The following SUGT1 variants were observed in gnomAD, a reference collection of about 807,000 sequenced individuals.
The protein encoded by SUGT1 is protein SGT1 homolog.
SUGT1 carries 15 observed loss-of-function variants against 56.1 expected under a neutral mutation model. The observed-to-expected ratio is 0.27, with a 90% CI of 0.18 to 0.41. The LOEUF (loss-of-function observed/expected upper bound fraction) is 0.41, where lower values mean the gene tolerates loss of function less well. Ranked by LOEUF, SUGT1 falls within the 10% of genes least tolerant of loss-of-function variation. SUGT1 has a pLI of 1.00. For synonymous variants in SUGT1, 123 were observed against 128.6 expected (o/e 0.96, Z 0.30); for missense variants, 347 against 382.2 (o/e 0.91, Z 0.77).
In SUGT1 at chr13:52,679,955, G is replaced by C. The variant is rs747088407; in HGVS notation, c.719-19G>C. ...TGAAACATGTTGATTAATTACTTCTGCCTTTTTTTACTTCATAGATGTAAA... is the reference window on the plus strand; with the variant it reads ...TGAAACATGTTGATTAATTACTTCTCCCTTTTTTTACTTCATAGATGTAAA... On this transcript the variant is annotated intron_variant, in intron 11 of 12. Transcript: ENST00000310528. 2 of 1,568,044 alleles carry C rather than the reference G, an allele frequency of 1.3e-6. No individual in the cohort carries two copies. The highest frequency in any genetic ancestry group is 4.4e-5 in the Admixed American group (2 of 45,900).
At chr13:52,667,504 C>T (rs1204500368) in intron 10 of SUGT1, among the ~76,000 whole-genome samples, 3 of 152,050 alleles carry the variant, frequency 2.0e-5, no homozygotes, top group Non-Finnish European at 4.4e-5. Context: ...ACCACCACGC[C>T]CTGCTTAATT....
At chr13:52,654,760 T>C (rs1962078587) in intron 2 of SUGT1, among the ~76,000 whole-genome samples, 3 of 152,220 alleles carry the variant, frequency 2.0e-5, no homozygotes, top group Non-Finnish European at 4.4e-5. Flanking sequence ...TTGTGTGAAG[T>C]AGTAGTTCTT....
Position 52,659,248 on chromosome 13 carries a change from TAGTA to T in SUGT1, c.328+4_328+7del, listed in dbSNP as rs745641454. 3 of 1,459,276 alleles carry T rather than the reference TAGTA, an allele frequency of 2.1e-6. No individual in the cohort carries two copies. Among genetic ancestry groups the T allele is most frequent in the South Asian group, 1.5e-5 (1 of 68,916 alleles). The allele number at this position is 1,459,276 out of a possible 1,614,324, so 90.4% of individuals were successfully genotyped here. On this transcript the variant is annotated splice_donor_variant and splice_donor_region_variant and coding_sequence_variant and intron_variant, in exon 5 of 13. Coordinates refer to ENST00000310528, the MANE Select transcript of SUGT1 (RefSeq NM_006704.5). LOFTEE classifies it high-confidence loss of function. ...CTTTTACAGAAGGACAAAAATTAGA[TAGTA>T]AGTATTAAAAATTATACTTTAATAA...
chr13:52,690,353 TTAA>T lies in SUGT1; in HGVS notation c.*2520_*2522del, dbSNP rs1241547021. On this transcript the variant is annotated 3_prime_UTR_variant, in exon 13 of 13. Transcript: ENST00000310528. Reference sequence around the variant, plus strand: ...ATCCTCTGCTATCTCAATGTAGCTATTAATTGTTCCCTCTTTGTTTCTAGACTC... The same window carrying T: ...ATCCTCTGCTATCTCAATGTAGCTATTTGTTCCCTCTTTGTTTCTAGACTC... 3.3e-5 allele frequency: 5 copies of T among 152,104 alleles called. No homozygotes were observed. The highest frequency in any genetic ancestry group is 7.3e-5 in the Non-Finnish European group (5 of 68,028). The allele number at this position is 152,104 out of a possible 1,614,324, so 9.4% of individuals were successfully genotyped here. A position where few individuals can be genotyped will look rare whatever the true frequency, so the allele number is the denominator to read the frequency against.
At chr13:52,684,590 G>A (rs1830934873) in intron 12 of SUGT1, among the ~76,000 whole-genome samples, 1 of 152,090 alleles carries the variant, frequency 6.6e-6, no homozygotes, top group Non-Finnish European at 1.5e-5. Flanking sequence ...CCAGAGGGGA[G>A]TGCAGTGGTG....
intron 12 of SUGT1, among the ~76,000 whole-genome samples, chr13:52,685,425 A>G (rs533946694): frequency 6.6e-6 from 1 of 152,056 alleles, no homozygotes; most frequent in South Asian, 2.1e-4. Flanking sequence ...TCTGTTTCAT[A>G]TGTAGCATCT....
intron 11 of SUGT1, among the ~76,000 whole-genome samples, chr13:52,679,407 C>G (rs774139983): frequency 6.6e-6 from 1 of 152,142 alleles, no homozygotes; most frequent in Non-Finnish European, 1.5e-5. Context: ...AAATTACTTA[C>G]TGTTATTGCC....
chr13:52,655,969 A>G (rs1962147543), intron 2 of SUGT1, among the ~76,000 whole-genome samples: 1 of 152,194 alleles, frequency 6.6e-6, no homozygotes, highest in Non-Finnish European at 1.5e-5. Context: ...ACTGAGCCCA[A>G]GGAGAACATT....
chr13:52,668,492 A>G (rs1325750955), intron 10 of SUGT1, among the ~76,000 whole-genome samples: 2 of 152,162 alleles, frequency 1.3e-5, no homozygotes, highest in African/African-American at 2.4e-5. Flanking sequence ...ATCCAGTTAA[A>G]AAGGATCTGC....
rs930902350 is a variant in SUGT1 at position 52,664,801 on chromosome 13, C to T, written c.422+744C>T. 2.0e-5 allele frequency among the ~76,000 whole-genome samples: 3 copies of T among 152,132 alleles called. No homozygotes were observed. The East Asian group carries it at 5.8e-4, about 29-fold the overall frequency. On this transcript the variant is annotated intron_variant, in intron 8 of 12. Coordinates refer to ENST00000310528, the MANE Select transcript of SUGT1 (RefSeq NM_006704.5). ...TGGTGGCAGCAGCAGGGGTAGGGCA[C>T]ATAACCATGAAATAATAATTAAGGT... is the stretch of plus-strand genomic sequence containing the variant.
Position 52,666,860 on chromosome 13 carries a change from CTG to C in SUGT1, c.569_570del (p.Leu190ArgfsTer14). 2 of 1,613,372 alleles carry C rather than the reference CTG, an allele frequency of 1.2e-6. No homozygotes were observed. The highest frequency in any genetic ancestry group is 1.7e-6 in the Non-Finnish European group (2 of 1,179,648). On this transcript the variant is annotated frameshift_variant, in exon 10 of 13. Coordinates refer to ENST00000310528, the MANE Select transcript of SUGT1 (RefSeq NM_006704.5). LOFTEE classifies it high-confidence loss of function. ...TTCTGGAGAGGATTACAATTTGAAA[CTG>C]GAACTTCTTCATCCTATAATACCAG... ...LPSGEDYNLKLELLHPIIPEQ... is the reference protein window; with the variant it reads ...LPSGEDYNLKXELLHPIIPEQ...
Position 52,667,499 on chromosome 13 carries a change from C to G in SUGT1, c.627+580C>G, listed in dbSNP as rs577015294. 2.6e-5 allele frequency among the ~76,000 whole-genome samples: 4 copies of G among 152,232 alleles called. No individual in the cohort carries two copies. In the South Asian group the frequency reaches 6.2e-4, roughly 24 times the overall value. ...AGCTGGGACTACAGGCATGCACCAC[C>G]ACGCCCTGCTTAATTTTTGTATTTT... On this transcript the variant is annotated intron_variant, in intron 10 of 12. Transcript: ENST00000310528.
intron 12 of SUGT1, among the ~76,000 whole-genome samples, chr13:52,685,044 C>T (rs1483918525): frequency 6.8e-6 from 1 of 145,990 alleles, no homozygotes; most frequent in Non-Finnish European, 1.5e-5. Context: ...CCTGGTAGGT[C>T]TATCTTCACT....
At chr13:52,658,759 A>G (rs766767016) in intron 4 of SUGT1, among the ~76,000 whole-genome samples, 43 of 128,266 alleles carry the variant, frequency 3.4e-4, no homozygotes, top group East Asian at 1.1e-3. Flanking sequence ...TTTTTTTTCA[A>G]TCTTTTGGAA....
chr13:52,685,130 G>A (rs1180980816), intron 12 of SUGT1, among the ~76,000 whole-genome samples: 2 of 150,134 alleles, frequency 1.3e-5, no homozygotes, highest in Admixed American at 6.6e-5. Context: ...ACAGAGGTGC[G>A]ATCATGAATC....
Position 52,657,594 on chromosome 13 carries a change from T to C in SUGT1, c.159T>C (p.Tyr53=), listed in dbSNP as rs761748381. The change falls in exon 3 of 13, where the codon TAT becomes TAC. Residue 53 remains tyrosine, a synonymous_variant. Transcript: ENST00000310528. ...CACAGTATTATTGTCAAAGAGCTTA[T>C]TGTCACATTCTTCTTGGGAATTACT... ...DDAQYYCQRA[Y]CHILLGNYCV... is the part of the protein sequence containing the mutation. 18 of 1,613,594 alleles carry C rather than the reference T, an allele frequency of 1.1e-5. No individual in the cohort carries two copies. The highest frequency in any genetic ancestry group is 8.9e-5 in the East Asian group (4 of 44,842).
At chr13:52,660,369 C>T (rs372646684) in intron 5 of SUGT1, among the ~76,000 whole-genome samples, 1 of 152,138 alleles carries the variant, frequency 6.6e-6, no homozygotes, top group African/African-American at 2.4e-5. Context: ...GTGCTACTGA[C>T]ATCTAATGAG....
intron 3 of SUGT1, 56 bp from the exon 4 acceptor site, chr13:52,658,343 G>A: frequency 8.1e-6 from 13 of 1,598,166 alleles, no homozygotes; most frequent in East Asian, 2.2e-5. Flanking sequence ...CATATGTTGT[G>A]TGTATTTGCT....
At position 52,696,005 on chromosome 13, in the gene SUGT1, T is replaced by A. The variant is rs928857360; in HGVS notation, c.*8170T>A. On this transcript the variant is annotated 3_prime_UTR_variant, in exon 13 of 13. Transcript: ENST00000310528. Reference sequence around the variant, plus strand: ...TTATGGTTGAGACATCACTGGATCCTTTGATGGAGTCATACCAAAACCACA... The same window carrying A: ...TTATGGTTGAGACATCACTGGATCCATTGATGGAGTCATACCAAAACCACA... The A allele has an allele frequency of 5.3e-5, 8 of 152,378 alleles. No homozygotes were observed. The highest frequency in any genetic ancestry group is 5.2e-4 in the Admixed American group (8 of 15,306). The allele number at this position is 152,378 out of a possible 1,614,324, so 9.4% of individuals were successfully genotyped here.
Sources: allele counts gnomAD v4.1 joint callset (sites outside exome capture counted in the v4.1 genomes callset), GRCh38; gene constraint gnomAD v4.1.1; transcripts MANE v1.5; gene names NCBI Gene and HGNC (gene_info 2026-07-23, HGNC 2026-07-21).